The following HEMK2 variants were observed in gnomAD, a reference collection of about 807,000 sequenced individuals.
HEMK2 encodes HemK methyltransferase 2, ETF1 glutamine and histone H4 lysine.
chr21:28,822,619 A>G, the HEMK2 span, among the ~76,000 whole-genome samples: 57 of 152,046 alleles, frequency 3.7e-4, no homozygotes, highest in African/African-American at 1.3e-3. Flanking sequence ...GAGCCCTCGT[A>G]ATTGTTAGAT....
chr21:28,711,472 G>A, the HEMK2 span, among the ~76,000 whole-genome samples: 3 of 152,258 alleles, frequency 2.0e-5, no homozygotes, highest in African/African-American at 7.2e-5. Flanking sequence ...GTGAGAGGAT[G>A]TCTTTTTCAG....
At chr21:28,618,071 A>C in the HEMK2 span, among the ~76,000 whole-genome samples, 1 of 152,194 alleles carries the variant, frequency 6.6e-6, no homozygotes, top group Non-Finnish European at 1.5e-5. Flanking sequence ...TACAGGTGTG[A>C]GCCACCACGC....
chr21:28,596,411 A>C, the HEMK2 span, among the ~76,000 whole-genome samples: 3,557 of 152,256 alleles, frequency 0.023, 156 homozygotes, highest in African/African-American at 0.081. Flanking sequence ...TCAGTATTAC[A>C]ACAAATAACA....
At chr21:28,625,276 A>G in the HEMK2 span, among the ~76,000 whole-genome samples, 1 of 152,234 alleles carries the variant, frequency 6.6e-6, no homozygotes, top group African/African-American at 2.4e-5. Context: ...TAAAGAAAAA[A>G]GCTAGCTATT....
chr21:28,647,132 T>C, the HEMK2 span, among the ~76,000 whole-genome samples: 1 of 151,184 alleles, frequency 6.6e-6, no homozygotes. Flanking sequence ...TGGAAGAAAA[T>C]GCAAAAGGTA....
At chr21:28,797,484 GT>G in the HEMK2 span, among the ~76,000 whole-genome samples, 1 of 151,464 alleles carries the variant, frequency 6.6e-6, no homozygotes, top group African/African-American at 2.4e-5. Context: ...CAAATTAGCT[GT>G]GTGCCTGTGG....
At chr21:28,868,951 G>A in the HEMK2 span, among the ~76,000 whole-genome samples, 3 of 151,480 alleles carry the variant, frequency 2.0e-5, no homozygotes, top group Admixed American at 1.3e-4. Flanking sequence ...AATTTTGTTC[G>A]TATTTTCCTA....
chr21:28,740,814 C>T, the HEMK2 span, among the ~76,000 whole-genome samples: 20 of 152,260 alleles, frequency 1.3e-4, no homozygotes, highest in African/African-American at 3.6e-4. Context: ...CCCTTCTGCC[C>T]AACTTCCTGG....
chr21:28,712,089 G>C, the HEMK2 span, among the ~76,000 whole-genome samples: 1 of 152,134 alleles, frequency 6.6e-6, no homozygotes, highest in Non-Finnish European at 1.5e-5. Context: ...CAAACTTTGA[G>C]TCCATAGCAG....
the HEMK2 span, among the ~76,000 whole-genome samples, chr21:28,699,362 G>A: frequency 2.4e-4 from 37 of 152,228 alleles, no homozygotes; most frequent in Middle Eastern, 6.8e-3. Context: ...TTCACAGATC[G>A]TGCCTTGTAG....
At chr21:28,669,523 C>T in the HEMK2 span, among the ~76,000 whole-genome samples, 23 of 152,134 alleles carry the variant, frequency 1.5e-4, no homozygotes, top group Non-Finnish European at 3.1e-4. Context: ...GAGATGTGGG[C>T]GAAGTAACAG....
the HEMK2 span, among the ~76,000 whole-genome samples, chr21:28,734,886 A>G: frequency 6.6e-6 from 1 of 152,232 alleles, no homozygotes; most frequent in Non-Finnish European, 1.5e-5. Context: ...AATCACTTGC[A>G]TAACTCATGG....
At chr21:28,788,934 T>C in the HEMK2 span, among the ~76,000 whole-genome samples, 53 of 152,004 alleles carry the variant, frequency 3.5e-4, no homozygotes, top group South Asian at 1.0e-2. Context: ...CAGGCATAGA[T>C]TGGAGTGATG....
the HEMK2 span, among the ~76,000 whole-genome samples, chr21:28,707,688 A>G: frequency 6.6e-6 from 1 of 152,180 alleles, no homozygotes; most frequent in African/African-American, 2.4e-5. Context: ...CCTACTATAT[A>G]TATATATAAA....
the HEMK2 span, among the ~76,000 whole-genome samples, chr21:28,782,915 C>A: frequency 2.4e-4 from 37 of 152,194 alleles, no homozygotes; most frequent in African/African-American, 8.2e-4. Context: ...GCCAATCTCT[C>A]TATAAATTAA....
At chr21:28,812,954 T>C in the HEMK2 span, among the ~76,000 whole-genome samples, 1,124 of 152,318 alleles carry the variant, frequency 7.4e-3, 18 homozygotes, top group Non-Finnish European at 7.9e-3. Context: ...TGATGGTAGT[T>C]TGTATTTCTG....
chr21:28,638,789 C>A, the HEMK2 span, among the ~76,000 whole-genome samples: 1 of 152,132 alleles, frequency 6.6e-6, no homozygotes, highest in African/African-American at 2.4e-5. Context: ...CCTTGGTTTT[C>A]CACCACATGG....
chr21:28,873,424 T>C, the HEMK2 span: 7 of 152,262 alleles, frequency 4.6e-5, no homozygotes, highest in Non-Finnish European at 1.0e-4. Context: ...TTTCTGTAAC[T>C]GGTCATATGA....
the HEMK2 span, among the ~76,000 whole-genome samples, chr21:28,730,226 T>C: frequency 6.9e-6 from 1 of 145,410 alleles, no homozygotes; most frequent in South Asian, 2.2e-4. Context: ...AAAAAAAAAG[T>C]TTTAATTAGC....
Sources: gnomAD v4.1 joint callset for allele counts (sites outside exome capture counted in the v4.1 genomes callset) on GRCh38, gnomAD v4.1.1 for gene constraint, MANE v1.5 for transcripts, NCBI Gene and HGNC (gene_info 2026-07-23, HGNC 2026-07-21) for gene names.